PDE3A: variants seen among roughly 807,000 people sequenced by gnomAD.
The protein encoded by PDE3A is cGMP-inhibited 3',5'-cyclic phosphodiesterase 3A.
PDE3A carries 43 observed loss-of-function variants against 98.3 expected under a neutral mutation model. That is an observed-to-expected ratio of 0.44 (90% CI 0.34 to 0.56). The LOEUF is 0.56. Among genes scored for constraint, PDE3A ranks in the 20% least tolerant of loss-of-function variants. The pLI is 0.01. For missense variants in PDE3A, 1,427 were observed against 1,440.7 expected (o/e 0.99, Z 0.15); for synonymous variants, 663 against 567.9 (o/e 1.17, Z -2.38).
At position 20,616,367 on chromosome 12, in the gene PDE3A, G is replaced by T. The variant is rs755065958; in HGVS notation, c.1407G>T (p.Gln469His). The change falls in exon 4 of 16, where the codon CAG (glutamine) becomes CAT (histidine). Residue 469 changes from glutamine to histidine, a missense_variant. Gln to His is a conservative substitution (Grantham distance 24). Coordinates refer to ENST00000359062, the MANE Select transcript of PDE3A (RefSeq NM_000921.5). ...ACCGCAGCACCAGCATCAAACTGCA[G>T]GAAGCACCTTCATCCAGGTGGCATA... is the stretch of plus-strand genomic sequence containing the variant. ...RRDRSTSIKL[Q>H]EAPSSSPDSW... 11 of 1,612,890 alleles carry T rather than the reference G, an allele frequency of 6.8e-6. No individual in the cohort carries two copies. Among genetic ancestry groups the T allele is most frequent in the Non-Finnish European group, 9.3e-6 (11 of 1,179,254 alleles).
At chr12:20,597,465 T>C (rs1943492165) in intron 2 of PDE3A, among the ~76,000 whole-genome samples, 1 of 152,206 alleles carries the variant, frequency 6.6e-6, no homozygotes, top group African/African-American at 2.4e-5. Flanking sequence ...CTTCTCACAA[T>C]TCTCTTTTCT....
intron 13 of PDE3A, 40 bp from the exon 14 acceptor site, chr12:20,650,405 T>C (rs765804736): frequency 2.1e-6 from 3 of 1,448,534 alleles, no homozygotes; most frequent in Non-Finnish European, 2.8e-6. Context: ...CTTTTGTTTT[T>C]ATCAAAGCAA....
chr12:20,465,423 A>AT (rs1222750669), intron 1 of PDE3A, among the ~76,000 whole-genome samples: 1 of 151,810 alleles, frequency 6.6e-6, no homozygotes, highest in Non-Finnish European at 1.5e-5. Context: ...TTATTTGTTT[A>AT]TTTTTTTGAG....
At chr12:20,401,393 T>A (rs375121920) in intron 1 of PDE3A, among the ~76,000 whole-genome samples, 1 of 152,180 alleles carries the variant, frequency 6.6e-6, no homozygotes, top group South Asian at 2.1e-4. Flanking sequence ...AATAAATACC[T>A]CCTTGTTTGG....
At chr12:20,458,937 A>G (rs1465063731) in intron 1 of PDE3A, among the ~76,000 whole-genome samples, 1 of 152,200 alleles carries the variant, frequency 6.6e-6, no homozygotes, top group Non-Finnish European at 1.5e-5. Flanking sequence ...AAACCTTAAG[A>G]AGGCACAGAA....
At chr12:20,583,691 G>A (rs1943125340) in intron 2 of PDE3A, among the ~76,000 whole-genome samples, 1 of 152,116 alleles carries the variant, frequency 6.6e-6, no homozygotes, top group Admixed American at 6.5e-5. Context: ...AAAGTGCATA[G>A]ACTGGGCCCT....
chr12:20,533,738 G>A (rs1941678449), intron 1 of PDE3A, among the ~76,000 whole-genome samples: 1 of 144,752 alleles, frequency 6.9e-6, no homozygotes, highest in South Asian at 2.3e-4. Flanking sequence ...GCCCCCCTTT[G>A]GACTCCCAAA....
chr12:20,549,785 A>G (rs996446181), intron 1 of PDE3A, among the ~76,000 whole-genome samples: 2 of 152,152 alleles, frequency 1.3e-5, no homozygotes, highest in African/African-American at 4.8e-5. Context: ...TGCCCTGCAT[A>G]TTTCTCAGTT....
At chr12:20,527,807 C>G (rs1317494185) in intron 1 of PDE3A, among the ~76,000 whole-genome samples, 2 of 151,790 alleles carry the variant, frequency 1.3e-5, no homozygotes, top group Non-Finnish European at 2.9e-5. Context: ...AGGGGCAAAA[C>G]TTTTTTCCCC....
intron 1 of PDE3A, among the ~76,000 whole-genome samples, chr12:20,548,107 C>A (rs1942102129): frequency 1.3e-5 from 2 of 152,176 alleles, no homozygotes; most frequent in Admixed American, 6.5e-5. Flanking sequence ...GACTTAGTGT[C>A]AAAGCAGTTA....
At chr12:20,673,104 C>G (rs1350656644) in intron 15 of PDE3A, among the ~76,000 whole-genome samples, 1 of 152,020 alleles carries the variant, frequency 6.6e-6, no homozygotes, top group Non-Finnish European at 1.5e-5. Flanking sequence ...AAAAAATGCT[C>G]ATCATCACTG....
At chr12:20,378,917 G>A (rs1015007477) in intron 1 of PDE3A, among the ~76,000 whole-genome samples, 5 of 151,100 alleles carry the variant, frequency 3.3e-5, no homozygotes, top group African/African-American at 9.7e-5. Flanking sequence ...TTCTCCCTCC[G>A]AATGTGTTTA....
In PDE3A at chr12:20,680,252, C is replaced by A. The variant is rs746480709; in HGVS notation, c.3407C>A (p.Thr1136Asn). 1 of 1,613,746 alleles carries A rather than the reference C, an allele frequency of 6.2e-7. No homozygotes were observed. Among genetic ancestry groups the A allele is most frequent in the East Asian group, 2.2e-5 (1 of 44,868 alleles). ...KGKPRGEEIP[T>N]QKPDQ ...AAACCAAGAGGCGAGGAGATACCAA[C>A]CCAAAAGCCAGACCAGTGACAATGG... The change falls in exon 16 of 16, where the codon ACC becomes AAC. Residue 1136 changes from threonine (T) to asparagine (N), a missense_variant. Around this residue, in one of 3 missense-constraint regions of PDE3A, gnomAD observed 142 missense variants for 133.9 expected, o/e 1.06. Coordinates refer to ENST00000359062, the MANE Select transcript of PDE3A (RefSeq NM_000921.5).
chr12:20,411,253 C>A (rs1039002919), intron 1 of PDE3A, among the ~76,000 whole-genome samples: 1 of 152,252 alleles, frequency 6.6e-6, no homozygotes, highest in African/African-American at 2.4e-5. Context: ...AGAACTCTTT[C>A]CATTTTACAA....
At chr12:20,383,800 G>A (rs1333166897) in intron 1 of PDE3A, among the ~76,000 whole-genome samples, 1 of 151,794 alleles carries the variant, frequency 6.6e-6, no homozygotes, top group African/African-American at 2.4e-5. Context: ...GGCCATGAGG[G>A]GTCACTGCAA....
At chr12:20,414,124 A>G (rs1428377738) in intron 1 of PDE3A, among the ~76,000 whole-genome samples, 2 of 152,158 alleles carry the variant, frequency 1.3e-5, no homozygotes, top group Non-Finnish European at 2.9e-5. Context: ...ATTATACATT[A>G]TTGTATGTTA....
At chr12:20,481,469 G>A (rs1393278616) in intron 1 of PDE3A, among the ~76,000 whole-genome samples, 3 of 152,004 alleles carry the variant, frequency 2.0e-5, no homozygotes, top group Admixed American at 6.6e-5. Flanking sequence ...TGTTGTTGTT[G>A]TTATTAACTA....
At chr12:20,602,351 C>CT (rs1943611956) in intron 2 of PDE3A, among the ~76,000 whole-genome samples, 1 of 152,132 alleles carries the variant, frequency 6.6e-6, no homozygotes, top group Non-Finnish European at 1.5e-5. Context: ...GTTCCATTTC[C>CT]TAAATAATAA....
intron 2 of PDE3A, among the ~76,000 whole-genome samples, chr12:20,601,227 G>C (rs958426695): frequency 7.0e-6 from 1 of 142,868 alleles, no homozygotes; most frequent in Non-Finnish European, 1.5e-5. Context: ...TAGCTCCAAG[G>C]CTTTTTGTTT....
Sources: gnomAD v4.1 joint callset for allele counts (sites outside exome capture counted in the v4.1 genomes callset) on GRCh38, gnomAD v4.1.1 for gene constraint, gnomAD v4.1.1 regional missense constraint, MANE v1.5 for transcripts, NCBI Gene and HGNC (gene_info 2026-07-23, HGNC 2026-07-21) for gene names.